The following KLHL32 variants were observed in gnomAD, a reference collection of about 807,000 sequenced individuals.
KLHL32 encodes the protein kelch like family member 32.
KLHL32 carries 35 observed loss-of-function variants against 64.8 expected under a neutral mutation model. The observed-to-expected ratio is 0.54, with a 90% CI of 0.41 to 0.72. The LOEUF is 0.72. Among genes scored for constraint, KLHL32 ranks in the 30% least tolerant of loss-of-function variants. KLHL32 has a pLI of 0.00. For missense variants in KLHL32, 589 were observed against 768.5 expected, an observed-to-expected ratio of 0.77 and a Z score of 2.76; for synonymous variants, 259 against 281.0, an observed-to-expected ratio of 0.92 and a Z score of 0.78.
chr6:97,089,966 A>G (rs927681455), intron 6 of KLHL32, among the ~76,000 whole-genome samples: 9 of 152,080 alleles, frequency 5.9e-5, no homozygotes, highest in African/African-American at 1.7e-4. Context: ...CCTTTATTCT[A>G]TTAGGTTGGT....
intron 3 of KLHL32, among the ~76,000 whole-genome samples, chr6:96,991,744 C>A (rs1324449448): frequency 2.6e-5 from 4 of 152,122 alleles, no homozygotes; most frequent in Admixed American, 6.5e-5. Context: ...TAGTAGCTTG[C>A]CTGTTACCTC....
chr6:97,047,983 C>T (rs1786196569), intron 4 of KLHL32, among the ~76,000 whole-genome samples: 1 of 152,132 alleles, frequency 6.6e-6, no homozygotes, highest in African/African-American at 2.4e-5. Context: ...AACACTCTGG[C>T]TATGATGATG....
intron 1 of KLHL32, among the ~76,000 whole-genome samples, chr6:96,932,564 T>TGGG: frequency 8.7e-6 from 1 of 114,318 alleles, no homozygotes; most frequent in East Asian, 2.5e-4. Context: ...GTTGTCAATT[T>TGGG]CCCCCCCCCC....
At chr6:97,093,899 A>G (rs1794608931) in intron 6 of KLHL32, among the ~76,000 whole-genome samples, 1 of 152,170 alleles carries the variant, frequency 6.6e-6, no homozygotes, top group South Asian at 2.1e-4. Context: ...GAGTGCCATT[A>G]TTTCTGTTGC....
In KLHL32 at chr6:97,130,579, T is replaced by G. The variant is rs550168375; in HGVS notation, c.1414-178T>G. Among the ~76,000 whole-genome samples, 91 of 152,298 alleles carry G rather than the reference T, an allele frequency of 6.0e-4. 1 individual carries two copies. The highest frequency in any genetic ancestry group is 1.5e-3 in the South Asian group (7 of 4,824). On this transcript the variant is annotated intron_variant, in intron 8 of 10. Coordinates refer to ENST00000369261, the MANE Select transcript of KLHL32 (RefSeq NM_052904.4). ...AAACAATTGGAATATGTGGCTCTTT[T>G]GTACTTGTTCTCATGTAAGAAGCCC...
At chr6:97,132,267 C>T (rs777363351) in intron 9 of KLHL32, among the ~76,000 whole-genome samples, 23 of 152,142 alleles carry the variant, frequency 1.5e-4, no homozygotes, top group Non-Finnish European at 3.2e-4. Flanking sequence ...CAAATGTAAG[C>T]ACTTGTCTAA....
intron 4 of KLHL32, among the ~76,000 whole-genome samples, chr6:97,043,571 T>C (rs1785456501): frequency 6.6e-6 from 1 of 152,208 alleles, no homozygotes; most frequent in South Asian, 2.1e-4. Flanking sequence ...TTCCTTTGGC[T>C]ATTACCCAGA....
intron 10 of KLHL32, among the ~76,000 whole-genome samples, chr6:97,137,156 G>A (rs916563000): frequency 2.0e-5 from 3 of 152,026 alleles, no homozygotes; most frequent in Non-Finnish European, 4.4e-5. Context: ...TTTTCTCATG[G>A]GGCGAAGTAG....
intron 1 of KLHL32, among the ~76,000 whole-genome samples, chr6:96,965,021 A>G (rs759199239): frequency 3.9e-5 from 6 of 152,058 alleles, no homozygotes; most frequent in East Asian, 1.9e-4. Context: ...GTTGTCCCCA[A>G]TGTTTGTGTT....
intron 2 of KLHL32, among the ~76,000 whole-genome samples, chr6:96,968,357 G>GCAAAAAA: frequency 6.6e-6 from 1 of 150,734 alleles, no homozygotes; most frequent in East Asian, 1.9e-4. Flanking sequence ...GCCCCCTACA[G>GCAAAAAA]CAAAAAACAA....
At chr6:96,951,049 T>C (rs1415469273) in intron 1 of KLHL32, among the ~76,000 whole-genome samples, 1 of 152,210 alleles carries the variant, frequency 6.6e-6, no homozygotes, top group Non-Finnish European at 1.5e-5. Flanking sequence ...TTTTGTAAGT[T>C]AGGTTAGAAC....
chr6:96,944,141 T>A (rs1162489188), intron 1 of KLHL32, among the ~76,000 whole-genome samples: 1 of 152,192 alleles, frequency 6.6e-6, no homozygotes, highest in Non-Finnish European at 1.5e-5. Context: ...TGGAATTAGA[T>A]GCCTGTGATT....
At chr6:96,913,990 C>T in the KLHL32 span, among the ~76,000 whole-genome samples, 43,320 of 151,990 alleles carry the variant, frequency 0.29, 6,352 homozygotes, top group East Asian at 0.45. Context: ...GGGGACTCAA[C>T]GTAATGAGAA....
chr6:97,033,386 A>G (rs528390362), intron 3 of KLHL32, among the ~76,000 whole-genome samples: 32 of 152,166 alleles, frequency 2.1e-4, no homozygotes, highest in African/African-American at 7.0e-4. Flanking sequence ...TAATGTTCGT[A>G]TGTGTGTGTA....
At chr6:96,927,332 T>C (rs1421148342) in intron 1 of KLHL32, among the ~76,000 whole-genome samples, 1 of 152,120 alleles carries the variant, frequency 6.6e-6, no homozygotes, top group Non-Finnish European at 1.5e-5. Flanking sequence ...CTGATTAAAG[T>C]GTTAGATAAT....
In KLHL32 at chr6:97,113,765, C is replaced by A; in HGVS notation, c.628-18C>A. 1.2e-6 allele frequency: 2 copies of A among 1,603,494 alleles called. No individual in the cohort carries two copies. The highest frequency in any genetic ancestry group is 1.7e-6 in the Non-Finnish European group (2 of 1,171,820). ...CTTACCTTTGTGTCTCCTCTCATCT[C>A]ACTTCCCTCTGTTTCAGCTAGCTGT... On this transcript the variant is annotated intron_variant, in intron 6 of 10. Coordinates refer to ENST00000369261, the MANE Select transcript of KLHL32 (RefSeq NM_052904.4).
At position 96,967,124 on chromosome 6, in the gene KLHL32, C is replaced by A. The variant is rs772692362; in HGVS notation, c.23+41C>A. 1.9e-6 allele frequency: 3 copies of A among 1,595,202 alleles called. No individual in the cohort carries two copies. In the African/African-American group the frequency reaches 4.0e-5, roughly 21 times the overall value. ...TATGTCCTCACATGCCGTAGTGAGCCCTGAAATAAGTGCATTGCACGTTCT... is the reference window on the plus strand; with the variant it reads ...TATGTCCTCACATGCCGTAGTGAGCACTGAAATAAGTGCATTGCACGTTCT... On this transcript the variant is annotated intron_variant, in intron 2 of 10. Coordinates refer to ENST00000369261, the MANE Select transcript of KLHL32 (RefSeq NM_052904.4).
chr6:96,905,356 C>T, the KLHL32 span, among the ~76,000 whole-genome samples: 1 of 152,154 alleles, frequency 6.6e-6, no homozygotes, highest in Non-Finnish European at 1.5e-5. Context: ...CTGGTAAACC[C>T]AACTCAATAA....
intron 1 of KLHL32, among the ~76,000 whole-genome samples, chr6:96,944,899 T>C (rs1266937854): frequency 6.6e-6 from 1 of 152,214 alleles, no homozygotes; most frequent in Admixed American, 6.5e-5. Context: ...AAAAGAGCTT[T>C]TCATGGACTT....
Sources: gnomAD v4.1 joint callset for allele counts (sites outside exome capture counted in the v4.1 genomes callset) on GRCh38, gnomAD v4.1.1 for gene constraint, MANE v1.5 for transcripts, NCBI Gene and HGNC (gene_info 2026-07-23, HGNC 2026-07-21) for gene names.